Variants in SH3PXD2A observed in about 807,000 individuals in gnomAD.
SH3PXD2A encodes the protein SH3 and PX domains 2A.
Under a neutral mutation model 115.2 loss-of-function variants are expected in SH3PXD2A, and 32 were observed. The ratio of observed to expected loss-of-function variants is 0.28; its 90% CI spans 0.21 to 0.37. The LOEUF is 0.37. SH3PXD2A is among the 10% of genes least tolerant of loss of function. The pLI is 1.00. For synonymous variants in SH3PXD2A, 610 were observed against 629.1 expected, an observed-to-expected ratio of 0.97 and a Z score of 0.45; for missense variants, 1,328 against 1,498.7, an observed-to-expected ratio of 0.89 and a Z score of 1.88.
At chr10:103,845,598 A>G (rs1044607933) in intron 1 of SH3PXD2A, among the ~76,000 whole-genome samples, 2 of 152,202 alleles carry the variant, frequency 1.3e-5, no homozygotes, top group African/African-American at 4.8e-5. Context: ...AAAAATGGGT[A>G]ACCAGTGGCC....
intron 9 of SH3PXD2A, among the ~76,000 whole-genome samples, chr10:103,626,154 G>A (rs1347518370): frequency 6.6e-6 from 1 of 152,276 alleles, no homozygotes; most frequent in East Asian, 1.9e-4. Flanking sequence ...TCTGGTCAAG[G>A]GGCTGAAGTA....
intron 5 of SH3PXD2A, among the ~76,000 whole-genome samples, chr10:103,699,673 G>A (rs761464143): frequency 2.0e-5 from 3 of 152,122 alleles, no homozygotes; most frequent in African/African-American, 2.4e-5. Flanking sequence ...GCCTTTGCAC[G>A]GAATGGCCTC....
intron 8 of SH3PXD2A, among the ~76,000 whole-genome samples, chr10:103,659,956 C>T (rs903765796): frequency 2.6e-5 from 4 of 152,124 alleles, no homozygotes; most frequent in South Asian, 2.1e-4. Flanking sequence ...CCCTGTGTCT[C>T]GATTCCTGTC....
chr10:103,683,674 C>A (rs546323942), intron 6 of SH3PXD2A, among the ~76,000 whole-genome samples: 92 of 152,172 alleles, frequency 6.0e-4, no homozygotes, highest in Non-Finnish European at 1.2e-3. Flanking sequence ...AAATTAACAC[C>A]AGAAAAACCC....
At chr10:103,832,501 C>T (rs79968056) in intron 1 of SH3PXD2A, among the ~76,000 whole-genome samples, 2 of 152,048 alleles carry the variant, frequency 1.3e-5, no homozygotes, top group Non-Finnish European at 2.9e-5. Context: ...TTGGAACCAA[C>T]CCAAATGTCC....
Position 103,680,476 on chromosome 10 carries a change from T to C in SH3PXD2A, c.428-11824A>G, listed in dbSNP as rs370594421. The stretch of plus-strand genomic sequence containing the variant: ...TATTTTTGTAGAGAAGGGGTCTCAC[T>C]AGGTTGCCCAGGCTGGTCTCAAGCT... On this transcript the variant is annotated intron_variant, in intron 6 of 14. Coordinates refer to ENST00000369774, the MANE Select transcript of SH3PXD2A (RefSeq NM_001394015.1). Among the ~76,000 whole-genome samples, 16 of 142,196 alleles carry C rather than the reference T, an allele frequency of 1.1e-4. No individual in the cohort carries two copies. The South Asian group carries it at 1.8e-3, about 16-fold the overall frequency. The allele number at this position is 142,196 out of a possible 152,430, so 93.3% of individuals were successfully genotyped here.
intron 8 of SH3PXD2A, among the ~76,000 whole-genome samples, chr10:103,646,540 C>A (rs12777091): frequency 1.0e-3 from 157 of 152,234 alleles, no homozygotes; most frequent in Non-Finnish European, 1.9e-3. Context: ...TCTGGTGCCT[C>A]CCACCCCCAG....
chr10:103,596,297 A>G lies in SH3PXD2A; in HGVS notation c.*5519T>C, dbSNP rs1308877274. The stretch of plus-strand genomic sequence containing the variant: ...GGGGATGACCTAACTGAACCAACTC[A>G]GTGTTTCTATTCCCAGTGGCATCTC... On this transcript the variant is annotated 3_prime_UTR_variant, in exon 15 of 15. Transcript: ENST00000369774. 1 of 152,522 alleles carries G rather than the reference A, an allele frequency of 6.6e-6. No homozygotes were observed. Among genetic ancestry groups the G allele is most frequent in the Non-Finnish European group, 1.5e-5 (1 of 68,028 alleles). The allele number at this position is 152,522 out of a possible 1,614,324, so 9.4% of individuals were successfully genotyped here. A position where few individuals can be genotyped will look rare whatever the true frequency, so the allele number is the denominator to read the frequency against.
chr10:103,844,602 C>T (rs902096186), intron 1 of SH3PXD2A, among the ~76,000 whole-genome samples: 4 of 152,148 alleles, frequency 2.6e-5, no homozygotes, highest in Non-Finnish European at 4.4e-5. Flanking sequence ...CCCCTGTAGC[C>T]CTGGGTGCCC....
intron 1 of SH3PXD2A, among the ~76,000 whole-genome samples, chr10:103,810,952 G>GCA (rs71476608): frequency 0.2 from 4,080 of 19,926 alleles, 177 homozygotes; most frequent in African/African-American, 0.31. Flanking sequence ...GCGCGCGCGC[G>GCA]CACACACACA....
intron 9 of SH3PXD2A, among the ~76,000 whole-genome samples, chr10:103,623,303 G>C (rs143087030): frequency 2.0e-5 from 3 of 151,254 alleles, no homozygotes; most frequent in African/African-American, 7.3e-5. Flanking sequence ...TCCTGACCCC[G>C]TGCCCTGAGC....
intron 1 of SH3PXD2A, among the ~76,000 whole-genome samples, chr10:103,830,968 G>A (rs1431369577): frequency 6.6e-6 from 1 of 152,156 alleles, no homozygotes; most frequent in Non-Finnish European, 1.5e-5. Flanking sequence ...TTCCCCAGTT[G>A]GTCAGAAGAA....
At chr10:103,609,127 G>A (rs942423117) in intron 13 of SH3PXD2A, 1 of 145,282 alleles carries the variant, frequency 6.9e-6, no homozygotes, top group Admixed American at 7.0e-5. Context: ...CTGCACTCCA[G>A]CCCAACTGAC....
chr10:103,815,030 A>C (rs2039310308), intron 1 of SH3PXD2A, among the ~76,000 whole-genome samples: 1 of 152,220 alleles, frequency 6.6e-6, no homozygotes, highest in South Asian at 2.1e-4. Context: ...CAAAATGAGA[A>C]GGACCTCAGA....
At chr10:103,743,687 A>G (rs1359388630) in intron 3 of SH3PXD2A, among the ~76,000 whole-genome samples, 1 of 151,984 alleles carries the variant, frequency 6.6e-6, no homozygotes, top group Non-Finnish European at 1.5e-5. Context: ...GGGACTTTTG[A>G]TGGTTTAAAG....
chr10:103,852,514 C>T (rs1842905910), intron 1 of SH3PXD2A, among the ~76,000 whole-genome samples: 1 of 152,246 alleles, frequency 6.6e-6, no homozygotes. Context: ...AATTCACCAT[C>T]AGCAGAGGAA....
chr10:103,740,612 G>A (rs2038433801), intron 3 of SH3PXD2A, among the ~76,000 whole-genome samples: 2 of 152,156 alleles, frequency 1.3e-5, no homozygotes, highest in Admixed American at 6.5e-5. Context: ...GGTAATAAGA[G>A]GGCACTGATT....
intron 11 of SH3PXD2A, among the ~76,000 whole-genome samples, chr10:103,614,088 A>AT (rs1347597983): frequency 3.2e-5 from 3 of 94,642 alleles, no homozygotes; most frequent in Non-Finnish European, 6.6e-5. Flanking sequence ...ACCAAAAAAA[A>AT]ATTTTTTTTT....
At chr10:103,660,246 G>A (rs2037273089) in intron 8 of SH3PXD2A, among the ~76,000 whole-genome samples, 3 of 152,256 alleles carry the variant, frequency 2.0e-5, no homozygotes, top group South Asian at 4.1e-4. Flanking sequence ...GGCCGAACAA[G>A]CCTGGACTGA....
Sources: allele counts gnomAD v4.1 joint callset (sites outside exome capture counted in the v4.1 genomes callset), GRCh38; gene constraint gnomAD v4.1.1; transcripts MANE v1.5; gene names NCBI Gene and HGNC (gene_info 2026-07-23, HGNC 2026-07-21).